The following EPB41L4A variants were observed in gnomAD, a reference collection of about 807,000 sequenced individuals.
EPB41L4A encodes band 4.1-like protein 4A.
In EPB41L4A, 100 loss-of-function variants were observed where a neutral mutation model predicts 108.6. That is an observed-to-expected ratio of 0.92 (90% CI 0.78 to 1.09). The LOEUF is 1.09. Among genes scored for constraint, EPB41L4A ranks in the 50% least tolerant of loss-of-function variants. The probability of loss-of-function intolerance (pLI) is 0.00; values close to 1 mark genes in which losing one functional copy is unlikely to be tolerated. For synonymous variants in EPB41L4A, 319 were observed against 289.0 expected (o/e 1.10, Z -1.05); for missense variants, 1,030 against 842.7 (o/e 1.22, Z -2.75).
intron 12 of EPB41L4A, among the ~76,000 whole-genome samples, chr5:112,222,032 T>C (rs1460452784): frequency 2.0e-5 from 3 of 152,356 alleles, no homozygotes; most frequent in East Asian, 1.9e-4. Context: ...GTCTACCTAA[T>C]GCTCCTTGCA....
At chr5:112,197,266 T>C (rs1272941831) in intron 15 of EPB41L4A, among the ~76,000 whole-genome samples, 1 of 152,210 alleles carries the variant, frequency 6.6e-6, no homozygotes, top group Non-Finnish European at 1.5e-5. Context: ...AGCCAAACTT[T>C]TGGAGAGTGG....
chr5:112,285,269 A>C (rs540010218), intron 2 of EPB41L4A, among the ~76,000 whole-genome samples: 33 of 152,338 alleles, frequency 2.2e-4, no homozygotes, highest in African/African-American at 7.9e-4. Context: ...ATAGCAAAAC[A>C]ACCTCTTGAT....
At chr5:112,179,956 A>C (rs1247767712) in intron 18 of EPB41L4A, among the ~76,000 whole-genome samples, 3 of 152,222 alleles carry the variant, frequency 2.0e-5, no homozygotes. Flanking sequence ...AAGTGAATTT[A>C]ACAAGGCTTA....
At chr5:112,161,675 C>T, downstream of EPB41L4A, 1 of 505,052 alleles carries the variant, frequency 2.0e-6, no homozygotes, top group South Asian at 1.4e-5. Context: ...TGTATGGTTT[C>T]TCTTAGCCAG....
chr5:112,159,012 G>T (rs4256389), downstream of EPB41L4A, among the ~76,000 whole-genome samples: 2 of 152,298 alleles, frequency 1.3e-5, no homozygotes, highest in South Asian at 2.1e-4. Flanking sequence ...TTTTGCCCCA[G>T]ATGTTACAGT....
intron 1 of EPB41L4A, among the ~76,000 whole-genome samples, chr5:112,309,265 C>G (rs1489782584): frequency 1.3e-5 from 2 of 152,168 alleles, no homozygotes; most frequent in South Asian, 4.1e-4. Flanking sequence ...ACTCCAGAAC[C>G]AATACCCCCA....
At chr5:112,175,497 T>C (rs1463733724) in intron 18 of EPB41L4A, 2 of 152,230 alleles carry the variant, frequency 1.3e-5, no homozygotes, top group Non-Finnish European at 2.9e-5. Flanking sequence ...TTCTAGCTAT[T>C]TGTTGCGGAT....
At position 112,210,023 on chromosome 5, in the gene EPB41L4A, C is replaced by T. The variant is rs1042479085; in HGVS notation, c.1088-41G>A. On this transcript the variant is annotated intron_variant, in intron 12 of 22. Coordinates refer to ENST00000261486, the MANE Select transcript of EPB41L4A (RefSeq NM_022140.5). ...AAGGAAAGATGGAAGAGAGAGGAAA[C>T]AGTGATAAGGAAATGAAAGAAACAG... 11 of 1,205,174 alleles carry T rather than the reference C, an allele frequency of 9.1e-6. 1 individual carries two copies. The Admixed American group carries it at 1.4e-4, about 15-fold the overall frequency. 74.7% of individuals were successfully genotyped at this position (1,205,174 alleles called of 1,614,324 possible).
chr5:112,361,722 T>A (rs1262277192), intron 1 of EPB41L4A, among the ~76,000 whole-genome samples: 34 of 147,948 alleles, frequency 2.3e-4, no homozygotes, highest in Middle Eastern at 3.4e-3. Flanking sequence ...ATAATAATAA[T>A]AATAATAATA....
intron 13 of EPB41L4A, chr5:112,145,751 T>A (rs1407338343): frequency 3.1e-6 from 1 of 322,104 alleles, no homozygotes; most frequent in African/African-American, 2.2e-5. Flanking sequence ...GCATACAACA[T>A]CCTCAACCAA....
At chr5:112,194,773 C>A in intron 16 of EPB41L4A, 128 bp from the exon 17 acceptor site, 1 of 559,586 alleles carries the variant, frequency 1.8e-6, no homozygotes, top group Non-Finnish European at 3.1e-6. Context: ...ACATCAAGAG[C>A]TGTATTATCC....
intron 1 of EPB41L4A, among the ~76,000 whole-genome samples, chr5:112,337,814 T>C (rs6861186): frequency 0.89 from 135,540 of 152,176 alleles, 60,444 homozygotes; most frequent in South Asian, 0.96. Flanking sequence ...TCTTCTAATA[T>C]GAGTGGTCAG....
At chr5:112,406,096 G>A (rs2112780924) in intron 1 of EPB41L4A, among the ~76,000 whole-genome samples, 1 of 152,158 alleles carries the variant, frequency 6.6e-6, no homozygotes, top group East Asian at 1.9e-4. Context: ...AACAGTGTCT[G>A]AAAGAAAAAG....
intron 22 of EPB41L4A, among the ~76,000 whole-genome samples, chr5:112,167,454 G>A (rs1184052298): frequency 2.6e-5 from 4 of 152,136 alleles, no homozygotes; most frequent in Non-Finnish European, 4.4e-5. Flanking sequence ...CGCCATTCTA[G>A]ACTGAGGCAT....
At chr5:112,381,356 C>T (rs1358779183) in intron 1 of EPB41L4A, among the ~76,000 whole-genome samples, 1 of 152,152 alleles carries the variant, frequency 6.6e-6, no homozygotes, top group African/African-American at 2.4e-5. Context: ...ATATGTTTGG[C>T]ATACGTTATC....
rs557611687 is a variant in EPB41L4A, at chr5:112,395,161, A to T, written c.99+23780T>A. On this transcript the variant is annotated intron_variant, in intron 1 of 22. Coordinates refer to ENST00000261486, the MANE Select transcript of EPB41L4A (RefSeq NM_022140.5). ...CGAACCCTAGAAGAAAACCTAGGCA[A>T]TACCATTCAGGACATAGGCATGGGC... Among the ~76,000 whole-genome samples the T allele has an allele frequency of 1.2e-4, 18 of 152,340 alleles. No homozygotes were observed. In the South Asian group the frequency reaches 3.7e-3, roughly 32 times the overall value.
intron 9 of EPB41L4A, among the ~76,000 whole-genome samples, chr5:112,258,703 C>T (rs1259859979): frequency 5.3e-5 from 8 of 152,154 alleles, no homozygotes; most frequent in Non-Finnish European, 4.4e-5. Context: ...CCCAAATACT[C>T]CCAGAGGACA....
At chr5:112,166,321 C>G (rs1760242745) in intron 22 of EPB41L4A, among the ~76,000 whole-genome samples, 1 of 152,214 alleles carries the variant, frequency 6.6e-6, no homozygotes. Context: ...GCTTGGCAGC[C>G]AGATGAGTGG....
At chr5:112,216,023 C>T (rs1663190843) in intron 12 of EPB41L4A, among the ~76,000 whole-genome samples, 1 of 152,142 alleles carries the variant, frequency 6.6e-6, no homozygotes, top group South Asian at 2.1e-4. Flanking sequence ...GTTTTTAATA[C>T]ACTATATCCA....
Sources: gnomAD v4.1 joint callset for allele counts (sites outside exome capture counted in the v4.1 genomes callset) on GRCh38, gnomAD v4.1.1 for gene constraint, MANE v1.5 for transcripts, NCBI Gene and HGNC (gene_info 2026-07-23, HGNC 2026-07-21) for gene names.